ZNF525: variants seen among roughly 807,000 people sequenced by gnomAD.
ZNF525 encodes zinc finger protein 525.
In ZNF525, 33 loss-of-function variants were observed where a neutral mutation model predicts 37.6. The observed-to-expected ratio is 0.88, with a 90% CI of 0.67 to 1.17. ZNF525 has a LOEUF of 1.17. Among genes scored for constraint, ZNF525 ranks in the 50% most tolerant of loss-of-function variants. ZNF525 has a pLI of 0.00. For synonymous variants in ZNF525, 170 were observed against 182.3 expected (o/e 0.93, Z 0.54); for missense variants, 449 against 543.1 (o/e 0.83, Z 1.72).
rs111382307 is a variant in ZNF525 at position 53,386,156 on chromosome 19, CA to C, written c.*4150del. 25,037 of 358,802 alleles carry C rather than the reference CA, an allele frequency of 0.07. No homozygotes were observed. Among genetic ancestry groups the C allele is most frequent in the South Asian group, 0.096 (3,924 of 40,846 alleles). The allele number at this position is 358,802 out of a possible 1,614,324, so 22.2% of individuals were successfully genotyped here. A position where few individuals can be genotyped will look rare whatever the true frequency, so the allele number is the denominator to read the frequency against. On this transcript the variant is annotated 3_prime_UTR_variant, in exon 4 of 4. Coordinates refer to ENST00000474037, the MANE Select transcript of ZNF525 (RefSeq NM_001348156.2). ...GAGCAACAAGAGCAAAACTCCATCT[CA>C]AAAAAAAAAAAATTGTCAAGTTCCT...
rs2085567013 is a variant in ZNF525 at position 53,381,826 on chromosome 19, G to A, written c.1247G>A (p.Cys416Tyr). 9.4e-7 allele frequency: 1 copy of A among 1,059,856 alleles called. No individual in the cohort carries two copies. The highest frequency in any genetic ancestry group is 1.5e-6 in the Non-Finnish European group (1 of 673,318). 65.7% of individuals were successfully genotyped at this position (1,059,856 alleles called of 1,614,324 possible). A position where few individuals can be genotyped will look rare whatever the true frequency, so the allele number is the denominator to read the frequency against. Residue 416 changes from cysteine to tyrosine, a missense_variant, in exon 4 of 4, where the codon TGT becomes TAT. This residue lies in a region of ZNF525 where 178 missense variants were observed against 161.5 expected (regional missense o/e 1.10). Coordinates refer to ENST00000474037, the MANE Select transcript of ZNF525 (RefSeq NM_001348156.2). ...TGEKPYKCEE[C>Y]DEAFRFKSSL... Reference sequence around the variant, plus strand: ...GAGAAACCTTACAAGTGTGAAGAATGTGATGAAGCTTTCCGTTTCAAATCA... The same window carrying A: ...GAGAAACCTTACAAGTGTGAAGAATATGATGAAGCTTTCCGTTTCAAATCA...
At chr19:53,376,780 G>A (rs554635878) in intron 3 of ZNF525, among the ~76,000 whole-genome samples, 4 of 152,268 alleles carry the variant, frequency 2.6e-5, no homozygotes, top group Admixed American at 6.5e-5. Context: ...AAACCAGCCT[G>A]TCTAACGTGG....
Position 53,383,469 on chromosome 19 carries a change from A to G in ZNF525, c.*1450A>G. ...CGAAAGACAGGAGAATTCATACTGGAGAGAAACCATAAAAATGTAAGAGTT... is the reference window on the plus strand; with the variant it reads ...CGAAAGACAGGAGAATTCATACTGGGGAGAAACCATAAAAATGTAAGAGTT... On this transcript the variant is annotated 3_prime_UTR_variant, in exon 4 of 4. Coordinates refer to ENST00000474037, the MANE Select transcript of ZNF525 (RefSeq NM_001348156.2). 9.7e-7 allele frequency: 1 copy of G among 1,035,574 alleles called. No individual in the cohort carries two copies. The highest frequency in any genetic ancestry group is 1.4e-6 in the Non-Finnish European group (1 of 699,204). The allele number at this position is 1,035,574 out of a possible 1,614,324, so 64.1% of individuals were successfully genotyped here.
Position 53,386,121 on chromosome 19 carries a change from A to G in ZNF525, c.*4102A>G, listed in dbSNP as rs2045206641. On this transcript the variant is annotated 3_prime_UTR_variant, in exon 4 of 4. Coordinates refer to ENST00000474037, the MANE Select transcript of ZNF525 (RefSeq NM_001348156.2). ...CAGTGAACTGAGATGGCAACATTAC[A>G]CTCTAGCCTGAGCAACAAGAGCAAA... 1 of 398,860 alleles carries G rather than the reference A, an allele frequency of 2.5e-6. No homozygotes were observed. Among genetic ancestry groups the G allele is most frequent in the Admixed American group, 3.3e-5 (1 of 30,114 alleles). The allele number at this position is 398,860 out of a possible 1,614,324, so 24.7% of individuals were successfully genotyped here.
chr19:53,382,212 C>T lies in ZNF525; in HGVS notation c.*193C>T. ...AAACCTTGAAAGACATAGGAGAATT[C>T]ACACTGGTGAGAAACCTTACAGGTG... On this transcript the variant is annotated 3_prime_UTR_variant, in exon 4 of 4. Transcript: ENST00000474037. The T allele has an allele frequency of 1.9e-6, 3 of 1,584,792 alleles. No homozygotes were observed. Among genetic ancestry groups the T allele is most frequent in the Admixed American group, 3.3e-5 (2 of 59,944 alleles).
intron 1 of ZNF525, among the ~76,000 whole-genome samples, chr19:53,370,487 T>TG (rs1179266320): frequency 3.3e-5 from 5 of 150,366 alleles, no homozygotes; most frequent in African/African-American, 1.2e-4. Context: ...TTGGTGAAAA[T>TG]TTCCCTGCTC....
At chr19:53,370,666 A>T (rs1173926946) in intron 1 of ZNF525, among the ~76,000 whole-genome samples, 4 of 150,022 alleles carry the variant, frequency 2.7e-5, no homozygotes, top group Non-Finnish European at 5.9e-5. Flanking sequence ...TTTAAATGGG[A>T]TGCAGTACCC....
Position 53,384,713 on chromosome 19 carries a change from G to A in ZNF525, c.*2694G>A. On this transcript the variant is annotated 3_prime_UTR_variant, in exon 4 of 4. Transcript: ENST00000474037. The stretch of plus-strand genomic sequence containing the variant: ...GGTTGAGTCTGTGATTTTCTACACA[G>A]AAGGTCATGTCGTCTACAAACAAAT... The A allele has an allele frequency of 2.5e-6, 1 of 394,108 alleles. No homozygotes were observed. The highest frequency in any genetic ancestry group is 4.5e-5 in the Admixed American group (1 of 22,210). 24.4% of individuals were successfully genotyped at this position (394,108 alleles called of 1,614,324 possible). A position where few individuals can be genotyped will look rare whatever the true frequency, so the allele number is the denominator to read the frequency against.
intron 2 of ZNF525, among the ~76,000 whole-genome samples, chr19:53,375,368 C>T (rs187551122): frequency 7.0e-4 from 107 of 152,258 alleles, no homozygotes; most frequent in Non-Finnish European, 1.2e-3. Flanking sequence ...AGGCAGATCA[C>T]GAGGTCAGGA....
intron 1 of ZNF525, among the ~76,000 whole-genome samples, chr19:53,366,732 A>G (rs11667797): frequency 0.42 from 59,874 of 144,136 alleles, 12,607 homozygotes; most frequent in Middle Eastern, 0.54. Context: ...CTGGTGGCAA[A>G]GAGAACAGAG....
Position 53,381,354 on chromosome 19 carries a change from G to A in ZNF525, c.775G>A (p.Ala259Thr), listed in dbSNP as rs777529257. 128 of 1,593,984 alleles carry A rather than the reference G, an allele frequency of 8.0e-5. No individual in the cohort carries two copies. Among genetic ancestry groups the A allele is most frequent in the Non-Finnish European group, 9.5e-5 (110 of 1,161,768 alleles). Residue 259 changes from alanine to threonine, a missense_variant, in exon 4 of 4, where the codon GCA becomes ACA. Around this residue, in one of 2 missense-constraint regions of ZNF525, gnomAD observed 271 missense variants for 381.6 expected, o/e 0.71. Transcript: ENST00000474037. ...DKVFIRKRYL[A>T]RHRRCHTGEK... ...GGTCTTTATTCGGAAGCGATACCTT[G>A]CACGCCATCGTAGATGTCACACTGG...
Position 53,384,607 on chromosome 19 carries a change from A to G in ZNF525, c.*2588A>G, listed in dbSNP as rs188837747. ...TTTTAAAATTGTTTATTATTAAAAT[A>G]TGGAAATTCAACTAATTTTTGGTGC... On this transcript the variant is annotated 3_prime_UTR_variant, in exon 4 of 4. Transcript: ENST00000474037. 40 of 172,998 alleles carry G rather than the reference A, an allele frequency of 2.3e-4. No individual in the cohort carries two copies. In the East Asian group the frequency reaches 5.8e-3, roughly 25 times the overall value. The allele number at this position is 172,998 out of a possible 1,614,324, so 10.7% of individuals were successfully genotyped here.
At chr19:53,367,250 G>A (rs1375735325) in intron 1 of ZNF525, among the ~76,000 whole-genome samples, 2 of 151,980 alleles carry the variant, frequency 1.3e-5, no homozygotes, top group Admixed American at 1.3e-4. Context: ...GCTAGGCAGA[G>A]GAAAACTTCT....
chr19:53,382,008 A>G lies in ZNF525; in HGVS notation c.1429A>G (p.Ser477Gly), dbSNP rs780935528. The stretch of plus-strand genomic sequence containing the variant: ...GTGTGGAGAATGTGACAAGGCTTAC[A>G]GTTTCAAATAAAATCTTGAAATACG... ...CKCGECDKAY[S>G]FK The change falls in exon 4 of 4, where the codon AGT (serine) becomes GGT (glycine). Residue 477 changes from serine (S) to glycine (G), a missense_variant. Transcript: ENST00000474037. 17 of 1,195,680 alleles carry G rather than the reference A, an allele frequency of 1.4e-5. No individual in the cohort carries two copies. The highest frequency in any genetic ancestry group is 2.0e-5 in the Non-Finnish European group (16 of 810,936). 74.1% of individuals were successfully genotyped at this position (1,195,680 alleles called of 1,614,324 possible). A position where few individuals can be genotyped will look rare whatever the true frequency, so the allele number is the denominator to read the frequency against.
chr19:53,369,715 CTTTTT>C (rs57431960), intron 1 of ZNF525, among the ~76,000 whole-genome samples: 7 of 81,202 alleles, frequency 8.6e-5, no homozygotes, highest in African/African-American at 2.5e-4. Flanking sequence ...AAAGAAGTTT[CTTTTT>C]TTTTTTTTTT....
At chr19:53,369,715 CTTTTTTTTTTTTTTTTTTTTT>C (rs57431960) in intron 1 of ZNF525, among the ~76,000 whole-genome samples, 3 of 81,198 alleles carry the variant, frequency 3.7e-5, no homozygotes, top group African/African-American at 1.3e-4. Context: ...AAAGAAGTTT[CTTTTTTTTTTTTTTTTTTTTT>C]TTTTTTTTGA....
At chr19:53,375,240 T>A (rs2085513123) in intron 2 of ZNF525, among the ~76,000 whole-genome samples, 3 of 152,114 alleles carry the variant, frequency 2.0e-5, no homozygotes, top group Admixed American at 2.0e-4. Flanking sequence ...TCTGAAGACA[T>A]CACTCATACT....
At chr19:53,368,077 G>T (rs1001362299) in intron 1 of ZNF525, among the ~76,000 whole-genome samples, 18 of 152,054 alleles carry the variant, frequency 1.2e-4, no homozygotes, top group Admixed American at 2.0e-4. Context: ...TTGTAGACAG[G>T]ATACCTTAAA....
At position 53,386,210 on chromosome 19, in the gene ZNF525, T is replaced by C. The variant is rs1336366370; in HGVS notation, c.*4191T>C. On this transcript the variant is annotated 3_prime_UTR_variant, in exon 4 of 4. Transcript: ENST00000474037. The stretch of plus-strand genomic sequence containing the variant: ...TCTTCCATTCTTTGCCATCGTGGTG[T>C]GTGCTTGACTCTGCTTCTTGCCACA... The C allele has an allele frequency of 9.6e-6, 6 of 623,114 alleles. No homozygotes were observed. Among genetic ancestry groups the C allele is most frequent in the East Asian group, 6.9e-5 (2 of 28,858 alleles). The allele number at this position is 623,114 out of a possible 1,614,324, so 38.6% of individuals were successfully genotyped here.
Sources: gnomAD v4.1 joint callset for allele counts (sites outside exome capture counted in the v4.1 genomes callset) on GRCh38, gnomAD v4.1.1 for gene constraint, gnomAD v4.1.1 regional missense constraint, MANE v1.5 for transcripts, NCBI Gene and HGNC (gene_info 2026-07-23, HGNC 2026-07-21) for gene names.